Variants in RASAL2 observed in about 807,000 individuals in gnomAD.
The protein encoded by RASAL2 is ras GTPase-activating protein nGAP.
Under a neutral mutation model 128.9 loss-of-function variants are expected in RASAL2, and 58 were observed. The observed-to-expected ratio is 0.45, with a 90% CI of 0.36 to 0.56. The LOEUF is 0.56. Ranked by LOEUF, RASAL2 falls within the 20% of genes least tolerant of loss-of-function variation. RASAL2 has a pLI of 0.00. For missense variants in RASAL2, 1,360 were observed against 1,601.6 expected (o/e 0.85, Z 2.57); for synonymous variants, 561 against 580.8 (o/e 0.97, Z 0.49).
chr1:178,307,456 T>A (rs1222764340), intron 3 of RASAL2, among the ~76,000 whole-genome samples: 2 of 152,210 alleles, frequency 1.3e-5, no homozygotes, highest in Admixed American at 6.5e-5. Context: ...ATGCAAAGCA[T>A]GACTTGCTGA....
At chr1:178,156,553 TA>T (rs920503850) in intron 1 of RASAL2, among the ~76,000 whole-genome samples, 11 of 152,152 alleles carry the variant, frequency 7.2e-5, no homozygotes, top group Non-Finnish European at 7.4e-5. Context: ...CTCAGATGCA[TA>T]TTTTTTTTAT....
At chr1:178,461,699 T>A (rs949216093) in intron 14 of RASAL2, among the ~76,000 whole-genome samples, 2 of 152,222 alleles carry the variant, frequency 1.3e-5, no homozygotes, top group African/African-American at 4.8e-5. Context: ...CATTTAGATT[T>A]GTTGAACTGT....
chr1:178,225,957 A>G (rs900066393), intron 1 of RASAL2, among the ~76,000 whole-genome samples: 2 of 152,148 alleles, frequency 1.3e-5, no homozygotes, highest in Admixed American at 6.5e-5. Flanking sequence ...GGTCTCTACA[A>G]TCTCACAGAA....
intron 3 of RASAL2, among the ~76,000 whole-genome samples, chr1:178,314,033 G>T (rs1243410885): frequency 2.0e-5 from 3 of 152,098 alleles, no homozygotes; most frequent in Non-Finnish European, 4.4e-5. Flanking sequence ...TAATGCTAAA[G>T]AACAAGTTTT....
intron 1 of RASAL2, among the ~76,000 whole-genome samples, chr1:178,257,071 A>G (rs1324160886): frequency 6.6e-6 from 1 of 152,226 alleles, no homozygotes; most frequent in African/African-American, 2.4e-5. Flanking sequence ...GGAATTTAAT[A>G]AAAGAAGTGC....
chr1:178,158,732 C>T (rs1661171709), intron 1 of RASAL2, among the ~76,000 whole-genome samples: 1 of 152,106 alleles, frequency 6.6e-6, no homozygotes, highest in Non-Finnish European at 1.5e-5. Context: ...ATGTTTTCTT[C>T]CCTTATAATT....
intron 2 of RASAL2, among the ~76,000 whole-genome samples, chr1:178,299,639 A>C (rs1667674602): frequency 6.6e-6 from 1 of 151,990 alleles, no homozygotes; most frequent in East Asian, 1.9e-4. Context: ...CTGGGACTAC[A>C]GGTGGGCGCC....
At chr1:178,295,629 G>A (rs1020822346) in intron 2 of RASAL2, among the ~76,000 whole-genome samples, 1 of 152,140 alleles carries the variant, frequency 6.6e-6, no homozygotes, top group Non-Finnish European at 1.5e-5. Flanking sequence ...GAATCAGTCG[G>A]AGGCTTGTTA....
chr1:178,322,723 G>A (rs1668850653), intron 3 of RASAL2, among the ~76,000 whole-genome samples: 1 of 151,934 alleles, frequency 6.6e-6, no homozygotes, highest in African/African-American at 2.4e-5. Flanking sequence ...TGTCATCTTA[G>A]AGCACTAATT....
At position 178,351,889 on chromosome 1, in the gene RASAL2, C is replaced by T. The variant is rs531287062; in HGVS notation, c.458-38211C>T. ...CATTTAGAAAACAAAAAGTGCAGCT[C>T]GCTGCCAGTGCTCATTTAATTTTAC... On this transcript the variant is annotated intron_variant, in intron 3 of 17. Transcript: ENST00000367649. Among the ~76,000 whole-genome samples, 40 of 152,178 alleles carry T rather than the reference C, an allele frequency of 2.6e-4. 1 individual carries two copies. The highest frequency in any genetic ancestry group is 4.6e-4 in the Non-Finnish European group (31 of 68,036).
chr1:178,317,262 T>C (rs1267586526), intron 3 of RASAL2, among the ~76,000 whole-genome samples: 2 of 141,052 alleles, frequency 1.4e-5, no homozygotes, highest in Non-Finnish European at 3.0e-5. Context: ...TCTTTTTTGG[T>C]TGTGTCTCTG....
chr1:178,265,341 C>T (rs1036128440), intron 1 of RASAL2, among the ~76,000 whole-genome samples: 1 of 152,156 alleles, frequency 6.6e-6, no homozygotes, highest in South Asian at 2.1e-4. Context: ...TCACTGCAAC[C>T]TCCGCCTCCT....
chr1:178,253,363 C>T (rs1038942023), intron 1 of RASAL2, among the ~76,000 whole-genome samples: 16 of 152,164 alleles, frequency 1.1e-4, no homozygotes, highest in African/African-American at 3.9e-4. Flanking sequence ...GGGTCACAAT[C>T]GCAGATACCA....
chr1:178,117,697 A>G (rs926850535), intron 1 of RASAL2, among the ~76,000 whole-genome samples: 3 of 152,214 alleles, frequency 2.0e-5, no homozygotes, highest in Non-Finnish European at 4.4e-5. Context: ...GAATGCAGCA[A>G]GAGGCACTGT....
intron 5 of RASAL2, among the ~76,000 whole-genome samples, chr1:178,429,402 C>G (rs1216039675): frequency 6.6e-6 from 1 of 152,104 alleles, no homozygotes; most frequent in Non-Finnish European, 1.5e-5. Flanking sequence ...ATGAGCCTCA[C>G]AACTTCTTTC....
In RASAL2 at chr1:178,239,456, A is replaced by G. The variant is rs118045154; in HGVS notation, c.203-44108A>G. Among the ~76,000 whole-genome samples, 291 of 152,226 alleles carry G rather than the reference A, an allele frequency of 1.9e-3. 4 individuals carry two copies. The East Asian group carries it at 0.051, about 26-fold the overall frequency. ...TTGTAAATACTAGTGAAGATGTTAT[A>G]CAACTGGCAGAATAATATGCAATAA... On this transcript the variant is annotated intron_variant, in intron 1 of 17. Coordinates refer to ENST00000367649, the MANE Select transcript of RASAL2 (RefSeq NM_170692.4).
chr1:178,296,958 C>T (rs1474542916), intron 2 of RASAL2, among the ~76,000 whole-genome samples: 2 of 146,948 alleles, frequency 1.4e-5, no homozygotes, highest in African/African-American at 5.4e-5. Context: ...CAGACATGAG[C>T]CACCACACCC....
At chr1:178,458,566 G>C in intron 14 of RASAL2, 22 bp downstream of exon 14, 2 of 1,568,562 alleles carry the variant, frequency 1.3e-6, no homozygotes, top group Non-Finnish European at 1.7e-6. Flanking sequence ...TGCTGAAGGG[G>C]CCTGGCTTCT....
chr1:178,233,536 A>C (rs1424020535), intron 1 of RASAL2, among the ~76,000 whole-genome samples: 1 of 152,238 alleles, frequency 6.6e-6, no homozygotes, highest in East Asian at 1.9e-4. Context: ...GAGAGATTGC[A>C]GAGTAATAAA....
Sources: gnomAD v4.1 joint callset for allele counts (sites outside exome capture counted in the v4.1 genomes callset) on GRCh38, gnomAD v4.1.1 for gene constraint, MANE v1.5 for transcripts, NCBI Gene and HGNC (gene_info 2026-07-23, HGNC 2026-07-21) for gene names.